Variants in CNNM4 observed in about 807,000 individuals in gnomAD.
CNNM4 encodes the protein cyclin and CBS domain divalent metal cation transport mediator 4.
In CNNM4, 32 loss-of-function variants were observed where a neutral mutation model predicts 53.7. That is an observed-to-expected ratio of 0.60 (90% CI 0.45 to 0.80). The LOEUF (loss-of-function observed/expected upper bound fraction) is 0.80, where lower values mean the gene tolerates loss of function less well. Ranked by LOEUF, CNNM4 falls within the 30% of genes least tolerant of loss-of-function variation. CNNM4 has a pLI of 0.00. For missense variants in CNNM4, 784 were observed against 1,022.0 expected, an observed-to-expected ratio of 0.77 and a Z score of 3.17; for synonymous variants, 410 against 440.0, an observed-to-expected ratio of 0.93 and a Z score of 0.85.
intron 5 of CNNM4, among the ~76,000 whole-genome samples, chr2:96,807,841 A>G (rs1331566283): frequency 2.0e-5 from 3 of 152,166 alleles, no homozygotes; most frequent in African/African-American, 7.2e-5. Context: ...ATTTAAAAGT[A>G]TGCAGTTTAT....
In CNNM4 at chr2:96,811,252, C is replaced by A. The variant is rs930881801; in HGVS notation, c.*1735C>A. The A allele has an allele frequency of 6.6e-6, 1 of 152,226 alleles. No homozygotes were observed. Among genetic ancestry groups the A allele is most frequent in the African/African-American group, 2.4e-5 (1 of 41,452 alleles). 9.4% of individuals were successfully genotyped at this position (152,226 alleles called of 1,614,324 possible). ...AACTGTAAGGAAAAAAGACACCAGACTTTTGTTCCCTAGTGGGGGAAAGCC... is the reference window on the plus strand; with the variant it reads ...AACTGTAAGGAAAAAAGACACCAGAATTTTGTTCCCTAGTGGGGGAAAGCC... On this transcript the variant is annotated 3_prime_UTR_variant, in exon 7 of 7. Transcript: ENST00000377075.
intron 5 of CNNM4, among the ~76,000 whole-genome samples, chr2:96,803,165 G>A (rs2079173558): frequency 6.6e-6 from 1 of 152,094 alleles, no homozygotes. Flanking sequence ...AACCTCCCCA[G>A]TGTGACCTCA....
intron 5 of CNNM4, among the ~76,000 whole-genome samples, chr2:96,806,116 G>C (rs2079203109): frequency 6.9e-6 from 1 of 145,528 alleles, no homozygotes; most frequent in South Asian, 2.1e-4. Flanking sequence ...GGGGCGGCTG[G>C]CCGGGCGGGG....
chr2:96,769,145 G>A (rs2078845546), intron 1 of CNNM4, among the ~76,000 whole-genome samples: 1 of 152,142 alleles, frequency 6.6e-6, no homozygotes, highest in Admixed American at 6.6e-5. Flanking sequence ...CAGCTACTCG[G>A]GAGGCTGAGG....
intron 1 of CNNM4, among the ~76,000 whole-genome samples, chr2:96,784,779 ACT>A (rs1207044723): frequency 6.6e-6 from 1 of 152,052 alleles, no homozygotes; most frequent in East Asian, 1.9e-4. Flanking sequence ...ATGTAGGGCA[ACT>A]CTCTCCTGGG....
At chr2:96,785,171 C>T (rs942082992) in intron 1 of CNNM4, among the ~76,000 whole-genome samples, 5 of 152,144 alleles carry the variant, frequency 3.3e-5, no homozygotes, top group Non-Finnish European at 7.3e-5. Context: ...AGCCACTGTG[C>T]CCAGCATTTA....
chr2:96,799,400 T>C, intron 4 of CNNM4, 152 bp from the exon 5 acceptor site: 2 of 1,088,350 alleles, frequency 1.8e-6, no homozygotes, highest in Non-Finnish European at 1.4e-6. Flanking sequence ...GAGGCCACTC[T>C]TGATCTCACA....
At position 96,800,762 on chromosome 2, in the gene CNNM4, C is replaced by G. The variant is rs566868891; in HGVS notation, c.1948+1114C>G. 4.3e-4 allele frequency among the ~76,000 whole-genome samples: 66 copies of G among 152,354 alleles called. 1 individual carries two copies. Among genetic ancestry groups the G allele is most frequent in the Admixed American group, 4.3e-3 (66 of 15,304 alleles). On this transcript the variant is annotated intron_variant, in intron 5 of 6. Coordinates refer to ENST00000377075, the MANE Select transcript of CNNM4 (RefSeq NM_020184.4). This position sits in a 1 kb window ranked among gnomAD's most constrained non-coding sequence, Gnocchi z 4.6. ...AGGCTTCCCCCAGGCACTGTTTGTG[C>G]AGTGAAGCCTCAGAGGCCCGGTTAG...
chr2:96,799,134 G>GA lies in CNNM4; in HGVS notation c.1761dup (p.Leu588ThrfsTer4). The GA allele has an allele frequency of 6.2e-7, 1 of 1,613,394 alleles. No individual in the cohort carries two copies. Among genetic ancestry groups the GA allele is most frequent in the African/African-American group, 1.3e-5 (1 of 74,974 alleles). ...ACTCAAGTACCCAGATGTCATTCAG[G>GA]AACTCAAGTTTGACGAGCACAATAA... On this transcript the variant is annotated frameshift_variant, in exon 4 of 7. Coordinates refer to ENST00000377075, the MANE Select transcript of CNNM4 (RefSeq NM_020184.4). LOFTEE classifies it high-confidence loss of function.
chr2:96,761,537 C>T lies in CNNM4; in HGVS notation c.538C>T (p.Leu180=). The T allele has an allele frequency of 6.2e-7, 1 of 1,614,098 alleles. No homozygotes were observed. The highest frequency in any genetic ancestry group is 8.5e-7 in the Non-Finnish European group (1 of 1,179,942). ...CATGGTGGAGGAGCCTGGGAGGTTC[C>T]TGCCTCTCTGGCTGCACATTCTCCT... ...LFMVEEPGRF[L]PLWLHILLIT... Residue 180 remains leucine, a synonymous_variant, in exon 1 of 7, where the codon CTG becomes TTG. Coordinates refer to ENST00000377075, the MANE Select transcript of CNNM4 (RefSeq NM_020184.4). This position sits in a 1 kb window ranked among gnomAD's most constrained non-coding sequence, Gnocchi z 6.0.
At chr2:96,807,075 A>G (rs905557670) in intron 5 of CNNM4, among the ~76,000 whole-genome samples, 1 of 152,132 alleles carries the variant, frequency 6.6e-6, no homozygotes, top group Non-Finnish European at 1.5e-5. Context: ...TAGTGGTACA[A>G]TCTCGGCTCG....
At chr2:96,795,496 C>CA (rs2079095740) in intron 1 of CNNM4, among the ~76,000 whole-genome samples, 1 of 152,158 alleles carries the variant, frequency 6.6e-6, no homozygotes, top group African/African-American at 2.4e-5. Flanking sequence ...TACCCCCCCC[C>CA]CCATCACATG....
At chr2:96,799,353 G>C (rs1213288963) in intron 4 of CNNM4, 127 bp downstream of exon 4, 24 of 1,361,476 alleles carry the variant, frequency 1.8e-5, no homozygotes, top group Non-Finnish European at 1.8e-5. Flanking sequence ...GCCTGCCCTT[G>C]AGCCCCGCCT....
intron 1 of CNNM4, among the ~76,000 whole-genome samples, chr2:96,768,357 AG>A (rs137979927): frequency 0.087 from 13,178 of 152,226 alleles, 630 homozygotes; most frequent in Middle Eastern, 0.16. Context: ...GTTGGGAATC[AG>A]AGATGAATAA....
At chr2:96,782,640 A>G (rs62152774) in intron 1 of CNNM4, among the ~76,000 whole-genome samples, 13,211 of 152,176 alleles carry the variant, frequency 0.087, 641 homozygotes, top group Middle Eastern at 0.16. Flanking sequence ...AACTGTTGCT[A>G]TAGTTTTCCT....
chr2:96,802,337 C>G (rs899822783), intron 5 of CNNM4, among the ~76,000 whole-genome samples: 12 of 152,268 alleles, frequency 7.9e-5, no homozygotes, highest in Non-Finnish European at 1.5e-4. Flanking sequence ...CTGCCCTCCA[C>G]GGCCAAGAGG....
At position 96,785,227 on chromosome 2, in the gene CNNM4, A is replaced by G. The variant is rs114497610; in HGVS notation, c.1403-11785A>G. On this transcript the variant is annotated intron_variant, in intron 1 of 6. Coordinates refer to ENST00000377075, the MANE Select transcript of CNNM4 (RefSeq NM_020184.4). ...TCTTCAAGCTTTTCATCTTGCCCCT[A>G]TTTTAAAACCTTTTTTTTTCTTTTT... 3.2e-3 allele frequency among the ~76,000 whole-genome samples: 482 copies of G among 150,766 alleles called. 4 individuals are homozygous for G. Among genetic ancestry groups the G allele is most frequent in the African/African-American group, 0.011 (431 of 40,098 alleles).
Position 96,808,622 on chromosome 2 carries a change from C to A in CNNM4, c.2010C>A (p.Arg670=). The part of the protein sequence containing the change: ...SRSASLSYPD[R]TDVSTAATLA... ...CAGCCTCCCTCAGTTACCCAGACCG[C>A]ACAGACGTCTCAACTGCAGCAACCT... The change falls in exon 6 of 7, where the codon CGC becomes CGA. Residue 670 remains arginine (R), a synonymous_variant. Transcript: ENST00000377075. The surrounding 1 kb of genome is among the most constrained non-coding windows in gnomAD (Gnocchi z 4.9). The A allele has an allele frequency of 6.2e-7, 1 of 1,614,182 alleles. No homozygotes were observed. The highest frequency in any genetic ancestry group is 8.5e-7 in the Non-Finnish European group (1 of 1,180,028).
intron 1 of CNNM4, among the ~76,000 whole-genome samples, chr2:96,791,903 G>A (rs1179812254): frequency 6.6e-6 from 1 of 151,578 alleles, no homozygotes; most frequent in Non-Finnish European, 1.5e-5. Flanking sequence ...CTTTGAGATG[G>A]AGTCACTCGC....
Sources: allele counts gnomAD v4.1 joint callset (sites outside exome capture counted in the v4.1 genomes callset), GRCh38; gene constraint gnomAD v4.1.1; non-coding constraint Gnocchi (gnomAD v3.1); transcripts MANE v1.5; gene names NCBI Gene and HGNC (gene_info 2026-07-23, HGNC 2026-07-21).